PIWIL2: variants seen among roughly 807,000 people sequenced by gnomAD.
PIWIL2 encodes the protein piwi-like protein 2.
In PIWIL2, 81 loss-of-function variants were observed where a neutral mutation model predicts 116.5. The observed-to-expected ratio is 0.70, with a 90% CI of 0.58 to 0.84. PIWIL2 has a LOEUF of 0.84. PIWIL2 is among the 40% of genes least tolerant of loss of function. The pLI, the probability that PIWIL2 is intolerant of heterozygous loss-of-function variation, is 0.00. For missense variants in PIWIL2, 1,272 were observed against 1,212.3 expected, an observed-to-expected ratio of 1.05 and a Z score of -0.73; for synonymous variants, 489 against 429.5, an observed-to-expected ratio of 1.14 and a Z score of -1.71.
chr8:22,296,463 G>C (rs533458092), intron 10 of PIWIL2, among the ~76,000 whole-genome samples: 18 of 152,282 alleles, frequency 1.2e-4, no homozygotes, highest in African/African-American at 4.1e-4. Flanking sequence ...GAAGAAGTAT[G>C]CATTGGAGGA....
intron 10 of PIWIL2, among the ~76,000 whole-genome samples, chr8:22,291,083 C>G (rs1233071053): frequency 6.6e-6 from 1 of 151,830 alleles, no homozygotes; most frequent in East Asian, 1.9e-4. Flanking sequence ...ATTCTCCTGC[C>G]TCAGCCTCCT....
At chr8:22,277,370 G>A (rs1830401291) in intron 1 of PIWIL2, among the ~76,000 whole-genome samples, 1 of 152,134 alleles carries the variant, frequency 6.6e-6, no homozygotes, top group Non-Finnish European at 1.5e-5. Context: ...TTTAGATTTG[G>A]TAGGGAAGCC....
chr8:22,325,375 A>G (rs1831698593), intron 20 of PIWIL2, among the ~76,000 whole-genome samples: 1 of 151,836 alleles, frequency 6.6e-6, no homozygotes, highest in African/African-American at 2.4e-5. Context: ...TCAGATGCCC[A>G]TTCTAATTCT....
intron 19 of PIWIL2, among the ~76,000 whole-genome samples, chr8:22,317,225 A>G (rs1831481515): frequency 6.6e-6 from 1 of 152,220 alleles, no homozygotes. Context: ...TCCAACTGTA[A>G]AAATAAGCCA....
intron 1 of PIWIL2, chr8:22,275,801 ACCC>A (rs1350037800): frequency 6.6e-6 from 1 of 152,304 alleles, no homozygotes; most frequent in South Asian, 2.1e-4. Flanking sequence ...CGGAGCACGC[ACCC>A]AGGGATGCGA....
intron 20 of PIWIL2, among the ~76,000 whole-genome samples, chr8:22,349,579 T>C (rs1004152155): frequency 1.3e-5 from 2 of 152,078 alleles, no homozygotes; most frequent in Admixed American, 6.6e-5. Flanking sequence ...GTCCCAGGTC[T>C]CCTGACCCCA....
At chr8:22,318,130 C>T (rs1002887856) in intron 19 of PIWIL2, 40 bp from the exon 20 acceptor site, 2 of 1,293,382 alleles carry the variant, frequency 1.5e-6, no homozygotes, top group African/African-American at 2.9e-5. Context: ...AGCATTTGTT[C>T]ATCTTCCTTT....
At chr8:22,334,543 T>G (rs931049316) in intron 20 of PIWIL2, among the ~76,000 whole-genome samples, 1 of 148,028 alleles carries the variant, frequency 6.8e-6, no homozygotes, top group Non-Finnish European at 1.5e-5. Flanking sequence ...GAAAAGAAAA[T>G]ACAAAATTTG....
Position 22,309,897 on chromosome 8 carries a change from A to G in PIWIL2, c.1687-64A>G, listed in dbSNP as rs1209268266. On this transcript the variant is annotated intron_variant, in intron 14 of 22. Transcript: ENST00000356766. ...AGCTGAGCAGGCCTTATAGAGCAGT[A>G]GCAGTGTTTTTCTAAATAGCGTTTG... 5 of 904,386 alleles carry G rather than the reference A, an allele frequency of 5.5e-6. No individual in the cohort carries two copies. In the African/African-American group the frequency reaches 8.1e-5, roughly 15 times the overall value. 56.0% of individuals were successfully genotyped at this position (904,386 alleles called of 1,614,324 possible). A position where few individuals can be genotyped will look rare whatever the true frequency, so the allele number is the denominator to read the frequency against.
chr8:22,320,203 C>T (rs928051402), intron 20 of PIWIL2, among the ~76,000 whole-genome samples: 3 of 151,368 alleles, frequency 2.0e-5, no homozygotes, highest in African/African-American at 4.9e-5. Context: ...CCTCATGATC[C>T]ACGCTTCTCA....
At position 22,318,272 on chromosome 8, in the gene PIWIL2, T is replaced by C. The variant is rs377447562; in HGVS notation, c.2400T>C (p.Tyr800=). Residue 800 remains tyrosine, a synonymous_variant, in exon 20 of 23, where the codon TAT becomes TAC. Coordinates refer to ENST00000356766, the MANE Select transcript of PIWIL2 (RefSeq NM_018068.5). The stretch of plus-strand genomic sequence containing the variant: ...TCGTGGGCTCCTTAAAAAAGTTTTA[T>C]GAGGTGAGGAGAACAGAAATTCTCA... ...LCLVGSLKKF[Y]EVNHCLPEKI... The C allele has an allele frequency of 6.4e-7, 1 of 1,551,650 alleles. No individual in the cohort carries two copies. Among genetic ancestry groups the C allele is most frequent in the South Asian group, 1.1e-5 (1 of 89,140 alleles).
chr8:22,275,743 C>T (rs990976480), intron 1 of PIWIL2: 4 of 152,334 alleles, frequency 2.6e-5, no homozygotes, highest in Admixed American at 2.0e-4. Flanking sequence ...TGGGACTCGC[C>T]TTCGGGGGCC....
chr8:22,281,956 A>G (rs1159656397), intron 4 of PIWIL2, among the ~76,000 whole-genome samples: 2 of 151,110 alleles, frequency 1.3e-5, no homozygotes, highest in Admixed American at 6.6e-5. Context: ...TATTTTTAGT[A>G]GAGACGAGGT....
At chr8:22,343,401 C>A (rs2132099537) in intron 20 of PIWIL2, among the ~76,000 whole-genome samples, 1 of 151,954 alleles carries the variant, frequency 6.6e-6, no homozygotes, top group East Asian at 1.9e-4. Context: ...TGCCATTGCA[C>A]TCCAGCCTGG....
chr8:22,283,072 C>T lies in PIWIL2; in HGVS notation c.464C>T (p.Pro155Leu). ...GRGSSDASLL[P>L]LGRAAGGISR... ...GGGAGTTCAGATGCGTCTTTATTAC[C>T]ACTGGGAAGAGCAGCAGGTGGTATC... Residue 155 changes from proline to leucine, a missense_variant, in exon 5 of 23, where the codon CCA (proline) becomes CTA (leucine). Physicochemically the swap from Pro to Leu is moderately conservative, Grantham distance 98 (BLOSUM62 -3). Coordinates refer to ENST00000356766, the MANE Select transcript of PIWIL2 (RefSeq NM_018068.5). The T allele has an allele frequency of 1.9e-6, 3 of 1,614,124 alleles. No individual in the cohort carries two copies. The highest frequency in any genetic ancestry group is 2.2e-5 in the South Asian group (2 of 91,078).
At chr8:22,313,899 A>G (rs941246505) in intron 16 of PIWIL2, among the ~76,000 whole-genome samples, 1 of 152,192 alleles carries the variant, frequency 6.6e-6, no homozygotes, top group Non-Finnish European at 1.5e-5. Flanking sequence ...GTAGTATTGC[A>G]TTCCCTGTTT....
chr8:22,309,712 T>A (rs1831279352), intron 14 of PIWIL2, among the ~76,000 whole-genome samples: 1 of 152,244 alleles, frequency 6.6e-6, no homozygotes, highest in South Asian at 2.1e-4. Context: ...CAAATCCCTT[T>A]CTTGGGATAT....
In PIWIL2 at chr8:22,287,589, G is replaced by A. The variant is rs369152376; in HGVS notation, c.805G>A (p.Gly269Ser). Reference sequence around the variant, plus strand: ...GTTGAAGGACCATCAAGCTGTCACCGGCAACGTCACTGCGTTTGATGGATC... The same window carrying A: ...GTTGAAGGACCATCAAGCTGTCACCAGCAACGTCACTGCGTTTGATGGATC... ...GMLKDHQAVT[G>S]NVTAFDGSIL... The change falls in exon 7 of 23, where the codon GGC (glycine) becomes AGC (serine). Residue 269 changes from glycine to serine, a missense_variant. Physicochemically the swap from Gly to Ser is moderately conservative, Grantham distance 56. Transcript: ENST00000356766. The A allele has an allele frequency of 2.1e-5, 34 of 1,613,768 alleles. No individual in the cohort carries two copies. Among genetic ancestry groups the A allele is most frequent in the Non-Finnish European group, 2.7e-5 (32 of 1,179,770 alleles).
At chr8:22,309,871 G>A in intron 14 of PIWIL2, 90 bp from the exon 15 acceptor site, 2 of 712,684 alleles carry the variant, frequency 2.8e-6, no homozygotes, top group East Asian at 5.0e-5. Context: ...GTCTGTGGTG[G>A]AGCTGAGCAG....
Sources: gnomAD v4.1 joint callset for allele counts (sites outside exome capture counted in the v4.1 genomes callset) on GRCh38, gnomAD v4.1.1 for gene constraint, MANE v1.5 for transcripts, NCBI Gene and HGNC (gene_info 2026-07-23, HGNC 2026-07-21) for gene names.